Variants in TMEM132D observed in about 807,000 individuals in gnomAD.
TMEM132D encodes mature OL transmembrane protein.
Under a neutral mutation model 62.3 loss-of-function variants are expected in TMEM132D, and 21 were observed. That is an observed-to-expected ratio of 0.34 (90% CI 0.24 to 0.49). The LOEUF is 0.49. Among genes scored for constraint, TMEM132D ranks in the 20% least tolerant of loss-of-function variants. The probability of loss-of-function intolerance (pLI) is 0.99; values close to 1 mark genes in which losing one functional copy is unlikely to be tolerated. For synonymous variants in TMEM132D, 621 were observed against 575.6 expected, an observed-to-expected ratio of 1.08 and a Z score of -1.13; for missense variants, 1,346 against 1,402.8, an observed-to-expected ratio of 0.96 and a Z score of 0.65.
At chr12:129,379,331 C>T (rs1870871333) in intron 3 of TMEM132D, among the ~76,000 whole-genome samples, 2 of 152,030 alleles carry the variant, frequency 1.3e-5, no homozygotes. Flanking sequence ...TAGGAGACAG[C>T]AACCACTAAT....
At chr12:129,111,464 A>C (rs2135644964) in intron 5 of TMEM132D, 1 of 152,382 alleles carries the variant, frequency 6.6e-6, no homozygotes, top group South Asian at 2.1e-4. Context: ...CTCCTCAGCC[A>C]GGCCAGAGAA....
chr12:129,643,131 A>G (rs1879686497), intron 2 of TMEM132D, among the ~76,000 whole-genome samples: 1 of 151,820 alleles, frequency 6.6e-6, no homozygotes, highest in Non-Finnish European at 1.5e-5. Flanking sequence ...TACCATGTTG[A>G]CCAGGCTGGT....
intron 1 of TMEM132D, among the ~76,000 whole-genome samples, chr12:129,750,561 C>T (rs1231308431): frequency 6.6e-6 from 1 of 152,122 alleles, no homozygotes; most frequent in East Asian, 1.9e-4. Flanking sequence ...AATAACAGGC[C>T]TATTCGTAAG....
intron 2 of TMEM132D, among the ~76,000 whole-genome samples, chr12:129,579,247 T>A (rs1027131447): frequency 2.6e-5 from 4 of 152,254 alleles, no homozygotes; most frequent in African/African-American, 9.6e-5. Context: ...AGTTGAAATC[T>A]CAATGAAACC....
At chr12:129,356,941 G>GGAGGA (rs1870080560) in intron 3 of TMEM132D, among the ~76,000 whole-genome samples, 3 of 118,908 alleles carry the variant, frequency 2.5e-5, no homozygotes, top group African/African-American at 1.1e-4. Context: ...AGAGGGGAGG[G>GGAGGA]GAGGGGAGGG....
intron 2 of TMEM132D, among the ~76,000 whole-genome samples, chr12:129,552,534 A>C (rs1293257204): frequency 2.0e-5 from 3 of 147,884 alleles, no homozygotes; most frequent in Admixed American, 6.9e-5. Context: ...CTAGCATCTA[A>C]CTACCTACCT....
Position 129,531,093 on chromosome 12 carries a change from C to T in TMEM132D, c.1081G>A (p.Val361Ile), listed in dbSNP as rs922339154. 7 of 1,613,376 alleles carry T rather than the reference C, an allele frequency of 4.3e-6. No homozygotes were observed. The highest frequency in any genetic ancestry group is 4.5e-5 in the East Asian group (2 of 44,874). Residue 361 changes from valine to isoleucine, a missense_variant, in exon 3 of 9, where the codon GTT (valine) becomes ATT (isoleucine). Physicochemically the swap from Val to Ile is conservative, Grantham distance 29. Coordinates refer to ENST00000422113, the MANE Select transcript of TMEM132D (RefSeq NM_133448.3). ...YTGKYAPAVI[V>I]CQKKAAGSEN... ...GAGCCAGCTGCTTTCTTCTGACAAA[C>T]GATGACAGCTGGTGCATACTTTCCA...
intron 1 of TMEM132D, among the ~76,000 whole-genome samples, chr12:129,894,096 A>G (rs1407251008): frequency 6.6e-6 from 1 of 152,248 alleles, no homozygotes; most frequent in East Asian, 1.9e-4. Context: ...GACACATCCA[A>G]GACTGGGTAA....
At chr12:129,740,889 T>C (rs1869580055) in intron 1 of TMEM132D, among the ~76,000 whole-genome samples, 1 of 152,244 alleles carries the variant, frequency 6.6e-6, no homozygotes, top group African/African-American at 2.4e-5. Flanking sequence ...ATCTCAAGGA[T>C]TTCCTGTACA....
At chr12:129,726,042 G>A (rs1869023484) in intron 1 of TMEM132D, among the ~76,000 whole-genome samples, 1 of 152,166 alleles carries the variant, frequency 6.6e-6, no homozygotes, top group African/African-American at 2.4e-5. Context: ...TAAAAACTTG[G>A]GTGCTGAGCC....
chr12:129,886,024 A>T, intron 1 of TMEM132D, among the ~76,000 whole-genome samples: 1 of 152,172 alleles, frequency 6.6e-6, no homozygotes, highest in East Asian at 1.9e-4. Flanking sequence ...ATTGAACTTA[A>T]ACTTTTTAAA....
intron 1 of TMEM132D, among the ~76,000 whole-genome samples, chr12:129,753,749 A>G (rs1485766505): frequency 2.0e-5 from 3 of 152,222 alleles, no homozygotes; most frequent in Non-Finnish European, 4.4e-5. Context: ...TGCAAGACAC[A>G]TTTGCCACCT....
chr12:129,366,596 A>G (rs774674305), intron 3 of TMEM132D, among the ~76,000 whole-genome samples: 5 of 152,178 alleles, frequency 3.3e-5, no homozygotes, highest in Middle Eastern at 3.2e-3. Flanking sequence ...GTCTTTCTTT[A>G]TAGGAATGCA....
At chr12:129,101,096 G>T (rs1347236280) in intron 5 of TMEM132D, among the ~76,000 whole-genome samples, 3 of 151,846 alleles carry the variant, frequency 2.0e-5, no homozygotes, top group African/African-American at 7.3e-5. Flanking sequence ...GGCAGAGATT[G>T]AAGCTCTGTG....
At chr12:129,482,412 G>A (rs1420581791) in intron 3 of TMEM132D, among the ~76,000 whole-genome samples, 1 of 152,144 alleles carries the variant, frequency 6.6e-6, no homozygotes, top group Non-Finnish European at 1.5e-5. Context: ...AAAGCATATT[G>A]CAGCATCATA....
intron 2 of TMEM132D, among the ~76,000 whole-genome samples, chr12:129,536,371 T>G (rs1176159237): frequency 2.0e-5 from 3 of 152,028 alleles, no homozygotes; most frequent in Non-Finnish European, 2.9e-5. Flanking sequence ...TCTCCATACT[T>G]ACTTTCTCTC....
chr12:129,601,580 C>T (rs1878483585), intron 2 of TMEM132D, among the ~76,000 whole-genome samples: 1 of 152,174 alleles, frequency 6.6e-6, no homozygotes, highest in Admixed American at 6.5e-5. Flanking sequence ...GCAACTCTTC[C>T]TTTCACTTGA....
chr12:129,187,184 G>T (rs1039937822), intron 5 of TMEM132D, among the ~76,000 whole-genome samples: 2 of 152,180 alleles, frequency 1.3e-5, no homozygotes, highest in Non-Finnish European at 2.9e-5. Context: ...GGGGATGGAG[G>T]AGCCATAAGA....
intron 3 of TMEM132D, among the ~76,000 whole-genome samples, chr12:129,461,854 G>A (rs970770329): frequency 3.9e-4 from 59 of 152,144 alleles, no homozygotes; most frequent in Non-Finnish European, 1.0e-4. Flanking sequence ...GTACACACAT[G>A]CATGAACACT....
Sources: allele counts gnomAD v4.1 joint callset (sites outside exome capture counted in the v4.1 genomes callset), GRCh38; gene constraint gnomAD v4.1.1; transcripts MANE v1.5; gene names NCBI Gene and HGNC (gene_info 2026-07-23, HGNC 2026-07-21).